Variants in NFKB1 observed in about 807,000 individuals in gnomAD.
The protein encoded by NFKB1 is nuclear factor kappa B subunit 1.
Under a neutral mutation model 105.1 loss-of-function variants are expected in NFKB1, and 9 were observed. The ratio of observed to expected loss-of-function variants is 0.09; its 90% CI spans 0.05 to 0.15. NFKB1 has a LOEUF of 0.15. Ranked by LOEUF, NFKB1 falls within the 10% of genes least tolerant of loss-of-function variation. The pLI, the probability that NFKB1 is intolerant of heterozygous loss-of-function variation, is 1.00. For synonymous variants in NFKB1, 440 were observed against 442.2 expected (o/e 1.00, Z 0.06); for missense variants, 830 against 1,203.7 (o/e 0.69, Z 4.59).
intron 3 of NFKB1, among the ~76,000 whole-genome samples, chr4:102,533,431 G>A (rs780812435): frequency 2.6e-5 from 4 of 152,200 alleles, no homozygotes; most frequent in Non-Finnish European, 5.9e-5. Flanking sequence ...GAAAGTCAGT[G>A]TCTAATGATG....
intron 1 of NFKB1, among the ~76,000 whole-genome samples, chr4:102,504,499 T>G (rs944273735): frequency 2.0e-5 from 3 of 152,196 alleles, no homozygotes; most frequent in African/African-American, 4.8e-5. Flanking sequence ...ATTGTTATAT[T>G]AGAAGAGAAG....
chr4:102,587,868 A>T (rs3774957), intron 11 of NFKB1, among the ~76,000 whole-genome samples: 51,526 of 151,992 alleles, frequency 0.34, 9,160 homozygotes, highest in Admixed American at 0.44. Flanking sequence ...TCAGAAAAGT[A>T]GTAGGCCATT....
intron 1 of NFKB1, chr4:102,501,996 GC>G (rs1270607931): frequency 3.3e-5 from 5 of 152,366 alleles, no homozygotes; most frequent in Non-Finnish European, 7.3e-5. Flanking sequence ...CCTCGCAGGG[GC>G]TAGTCGGCCG....
intron 5 of NFKB1, among the ~76,000 whole-genome samples, chr4:102,545,039 C>T (rs562214189): frequency 4.6e-5 from 7 of 152,252 alleles, no homozygotes; most frequent in African/African-American, 1.7e-4. Flanking sequence ...GGGCAACTCT[C>T]GGCATTCCAT....
chr4:102,554,583 A>G (rs932519950), intron 5 of NFKB1, among the ~76,000 whole-genome samples: 3 of 152,114 alleles, frequency 2.0e-5, no homozygotes, highest in African/African-American at 7.2e-5. Context: ...CTATTTTTGC[A>G]CTCCTGGGAT....
intron 5 of NFKB1, among the ~76,000 whole-genome samples, chr4:102,539,236 C>CAAAAAAAAAAAAAAAAAA (rs550342036): frequency 2.1e-5 from 2 of 95,646 alleles, no homozygotes; most frequent in African/African-American, 7.6e-5. Context: ...GACTCTGTCT[C>CAAAAAAAAAAAAAAAAAA]AAAAAAAAAA....
chr4:102,612,897 C>T (rs1728560001), intron 22 of NFKB1, among the ~76,000 whole-genome samples: 1 of 152,120 alleles, frequency 6.6e-6, no homozygotes, highest in African/African-American at 2.4e-5. Flanking sequence ...AGCAAACAAT[C>T]GACTGTAATC....
intron 4 of NFKB1, among the ~76,000 whole-genome samples, chr4:102,535,681 C>G (rs1741590926): frequency 6.6e-6 from 1 of 152,060 alleles, no homozygotes; most frequent in Non-Finnish European, 1.5e-5. Context: ...CGACATCTTC[C>G]TGAAAACAGT....
chr4:102,593,614 G>A, intron 12 of NFKB1, 46 bp downstream of exon 12: 2 of 1,550,054 alleles, frequency 1.3e-6, no homozygotes, highest in South Asian at 1.2e-5. Context: ...TATTGGAGAG[G>A]GTAGAATTTT....
At chr4:102,531,501 A>C (rs1741287637) in intron 3 of NFKB1, among the ~76,000 whole-genome samples, 2 of 152,174 alleles carry the variant, frequency 1.3e-5, no homozygotes, top group Admixed American at 1.3e-4. Context: ...AAAATGGATT[A>C]TTTTAGTCTT....
intron 5 of NFKB1, among the ~76,000 whole-genome samples, chr4:102,543,726 C>T (rs1354470179): frequency 6.6e-6 from 1 of 152,082 alleles, no homozygotes; most frequent in African/African-American, 2.4e-5. Context: ...TATCACATAT[C>T]CTTGCATAAT....
intron 3 of NFKB1, among the ~76,000 whole-genome samples, chr4:102,531,249 G>C (rs547914972): frequency 1.3e-5 from 2 of 152,194 alleles, no homozygotes; most frequent in Admixed American, 1.3e-4. Flanking sequence ...TAAATATTCT[G>C]TGGTCACAGC....
chr4:102,542,592 T>G (rs1742075879), intron 5 of NFKB1, among the ~76,000 whole-genome samples: 3 of 152,266 alleles, frequency 2.0e-5, no homozygotes, highest in Non-Finnish European at 4.4e-5. Context: ...TTCCTTCTCT[T>G]AGGTAAGCTG....
In NFKB1 at chr4:102,578,581, C is replaced by T. The variant is rs1423286662; in HGVS notation, c.572-300C>T. On this transcript the variant is annotated intron_variant, in intron 7 of 23. Coordinates refer to ENST00000226574, the MANE Select transcript of NFKB1 (RefSeq NM_003998.4). ...TCCATCACATCCTGTGTGCCTTTAACTCTTACTGTAGAGAGGAAAGGGAAA... is the reference window on the plus strand; with the variant it reads ...TCCATCACATCCTGTGTGCCTTTAATTCTTACTGTAGAGAGGAAAGGGAAA... 10 of 446,504 alleles carry T rather than the reference C, an allele frequency of 2.2e-5. No individual in the cohort carries two copies. The East Asian group carries it at 3.3e-4, about 15-fold the overall frequency. 27.7% of individuals were successfully genotyped at this position (446,504 alleles called of 1,614,324 possible). A position where few individuals can be genotyped will look rare whatever the true frequency, so the allele number is the denominator to read the frequency against.
At chr4:102,588,676 C>A (rs1045128987) in intron 11 of NFKB1, among the ~76,000 whole-genome samples, 1 of 152,114 alleles carries the variant, frequency 6.6e-6, no homozygotes, top group Non-Finnish European at 1.5e-5. Context: ...GAACTATTAT[C>A]TAAAGTCATC....
At chr4:102,570,112 T>G (rs1191479090) in intron 6 of NFKB1, among the ~76,000 whole-genome samples, 1 of 152,176 alleles carries the variant, frequency 6.6e-6, no homozygotes, top group Non-Finnish European at 1.5e-5. Context: ...ACACTCTCTC[T>G]GCTTTCTGGC....
At chr4:102,593,192 A>G in intron 11 of NFKB1, 1 of 311,030 alleles carries the variant, frequency 3.2e-6, no homozygotes, top group Non-Finnish European at 5.9e-6. Flanking sequence ...AAACTGTTGT[A>G]GAGTGGATTT....
intron 2 of NFKB1, 77 bp from the exon 3 acceptor site, chr4:102,529,759 T>A: frequency 1.0e-6 from 1 of 1,003,210 alleles, no homozygotes; most frequent in Admixed American, 2.4e-5. Flanking sequence ...TATTACATTT[T>A]AGGTGTCCCA....
chr4:102,565,570 G>A (rs1461534028), intron 5 of NFKB1, among the ~76,000 whole-genome samples: 2 of 152,126 alleles, frequency 1.3e-5, no homozygotes, highest in East Asian at 1.9e-4. Flanking sequence ...AAAGGATTCT[G>A]TCTCTTTCCA....
Sources: gnomAD v4.1 joint callset for allele counts (sites outside exome capture counted in the v4.1 genomes callset) on GRCh38, gnomAD v4.1.1 for gene constraint, MANE v1.5 for transcripts, NCBI Gene and HGNC (gene_info 2026-07-23, HGNC 2026-07-21) for gene names.